The following MIPOL1 variants were observed in gnomAD, a reference collection of about 807,000 sequenced individuals.
MIPOL1 encodes the protein mirror-image polydactyly gene 1 protein.
A neutral mutation model predicts 60.9 loss-of-function variants in MIPOL1; 57 were observed. The observed-to-expected ratio is 0.94, with a 90% confidence interval of 0.76 to 1.17. The LOEUF is 1.17. MIPOL1 is among the 50% of genes most tolerant of loss of function. MIPOL1 has a pLI of 0.00. For missense variants in MIPOL1, 551 were observed against 511.6 expected (o/e 1.08, Z -0.74); for synonymous variants, 179 against 168.8 (o/e 1.06, Z -0.47).
At position 37,218,916 on chromosome 14, in the gene MIPOL1, C is replaced by A. The variant is rs1412121830; in HGVS notation, c.-199+20812C>A. On this transcript the variant is annotated intron_variant, in intron 1 of 12. Transcript: ENST00000684589. Reference sequence around the variant, plus strand: ...CTCCAGCCTGGGCAACAGAGTGAGACCCTATTTCAAAAAAAAAAAAAAAAA... The same window carrying A: ...CTCCAGCCTGGGCAACAGAGTGAGAACCTATTTCAAAAAAAAAAAAAAAAA... Among the ~76,000 whole-genome samples, 9 of 133,710 alleles carry A rather than the reference C, an allele frequency of 6.7e-5. No individual in the cohort carries two copies. In the South Asian group the frequency reaches 1.7e-3, roughly 25 times the overall value. The allele number at this position is 133,710 out of a possible 152,430, so 87.7% of individuals were successfully genotyped here.
intron 9 of MIPOL1, among the ~76,000 whole-genome samples, chr14:37,309,812 G>T (rs540379346): frequency 6.6e-6 from 1 of 151,750 alleles, no homozygotes; most frequent in South Asian, 2.1e-4. Context: ...TCAGCCTCCT[G>T]AGTAGCTGGG....
At chr14:37,424,119 G>C (rs1422821764) in intron 11 of MIPOL1, among the ~76,000 whole-genome samples, 4 of 152,144 alleles carry the variant, frequency 2.6e-5, no homozygotes, top group Admixed American at 2.0e-4. Flanking sequence ...CCATCCCCAA[G>C]TTAAGCACTC....
intron 9 of MIPOL1, among the ~76,000 whole-genome samples, chr14:37,360,469 C>T (rs1051535926): frequency 5.9e-5 from 9 of 152,108 alleles, no homozygotes; most frequent in African/African-American, 1.9e-4. Flanking sequence ...GTTCAGTAGG[C>T]TATTAGTTAT....
intron 7 of MIPOL1, among the ~76,000 whole-genome samples, chr14:37,299,736 G>T (rs1338256028): frequency 6.6e-6 from 1 of 151,976 alleles, no homozygotes; most frequent in African/African-American, 2.4e-5. Flanking sequence ...TTTTGTCACG[G>T]GGAGAATTCA....
intron 11 of MIPOL1, among the ~76,000 whole-genome samples, chr14:37,448,508 TTTA>T (rs746162931): frequency 2.0e-4 from 30 of 152,220 alleles, no homozygotes; most frequent in Admixed American, 2.6e-4. Context: ...CCAAACTATA[TTTA>T]TTGACTTTTT....
chr14:37,473,042 A>T (rs1178642513), intron 11 of MIPOL1, among the ~76,000 whole-genome samples: 1 of 152,118 alleles, frequency 6.6e-6, no homozygotes, highest in Non-Finnish European at 1.5e-5. Flanking sequence ...AAATTTAATC[A>T]CCAGTGTGGT....
At chr14:37,294,690 C>T (rs529187565) in intron 7 of MIPOL1, among the ~76,000 whole-genome samples, 20 of 151,994 alleles carry the variant, frequency 1.3e-4, no homozygotes, top group Non-Finnish European at 2.4e-4. Context: ...ATGCGATCAA[C>T]TGGAAGAAAG....
chr14:37,240,431 A>T (rs1004437364), intron 1 of MIPOL1: 1 of 152,204 alleles, frequency 6.6e-6, no homozygotes, highest in African/African-American at 2.4e-5. Flanking sequence ...ATACATTTTC[A>T]GCTTTGATTT....
intron 9 of MIPOL1, among the ~76,000 whole-genome samples, chr14:37,335,077 T>C (rs1240517975): frequency 6.6e-6 from 1 of 152,066 alleles, no homozygotes; most frequent in African/African-American, 2.4e-5. Flanking sequence ...TTTGTTGAAC[T>C]ACCAAACTGT....
chr14:37,342,554 C>T (rs1209965190), intron 9 of MIPOL1, among the ~76,000 whole-genome samples: 14 of 151,762 alleles, frequency 9.2e-5, no homozygotes, highest in Non-Finnish European at 1.8e-4. Context: ...TGCACCACCA[C>T]GCCTGGCTAA....
chr14:37,464,146 C>T (rs982741621), intron 11 of MIPOL1, among the ~76,000 whole-genome samples: 1 of 152,178 alleles, frequency 6.6e-6, no homozygotes, highest in African/African-American at 2.4e-5. Context: ...AACCACTATA[C>T]ACTTTTCGTG....
chr14:37,320,461 A>G (rs1197627416), intron 9 of MIPOL1, among the ~76,000 whole-genome samples: 2 of 151,998 alleles, frequency 1.3e-5, no homozygotes, highest in South Asian at 2.1e-4. Flanking sequence ...CTTTTGTGAA[A>G]TATCTCTTCG....
At chr14:37,206,813 T>C (rs1014473815) in intron 1 of MIPOL1, among the ~76,000 whole-genome samples, 8 of 152,272 alleles carry the variant, frequency 5.3e-5, no homozygotes, top group Non-Finnish European at 2.9e-5. Context: ...TGCTGGATTT[T>C]GGACTTGCAT....
chr14:37,286,036 T>C (rs1265634278), intron 7 of MIPOL1, among the ~76,000 whole-genome samples: 1 of 152,240 alleles, frequency 6.6e-6, no homozygotes, highest in African/African-American at 2.4e-5. Context: ...TTTCTTCATA[T>C]GTGACTCCTC....
chr14:37,241,849 T>G (rs1972415892), intron 1 of MIPOL1, among the ~76,000 whole-genome samples: 1 of 152,194 alleles, frequency 6.6e-6, no homozygotes, highest in Non-Finnish European at 1.5e-5. Context: ...AAACATTTGT[T>G]TAATTCTCAG....
At chr14:37,312,646 T>G (rs1443818360) in intron 9 of MIPOL1, among the ~76,000 whole-genome samples, 1 of 152,186 alleles carries the variant, frequency 6.6e-6, no homozygotes, top group Non-Finnish European at 1.5e-5. Flanking sequence ...CCTTATACTC[T>G]TTATTTATCC....
chr14:37,298,102 G>T (rs1406260370), intron 7 of MIPOL1, among the ~76,000 whole-genome samples: 3 of 152,104 alleles, frequency 2.0e-5, no homozygotes, highest in Non-Finnish European at 4.4e-5. Context: ...CCAAAACAGA[G>T]ATATAGACCA....
At chr14:37,291,024 T>G (rs2085008545) in intron 7 of MIPOL1, among the ~76,000 whole-genome samples, 1 of 152,184 alleles carries the variant, frequency 6.6e-6, no homozygotes, top group Non-Finnish European at 1.5e-5. Context: ...CCACCCATGT[T>G]CCTGTGAAGG....
At chr14:37,216,346 A>G (rs1043222849) in intron 1 of MIPOL1, among the ~76,000 whole-genome samples, 2 of 152,222 alleles carry the variant, frequency 1.3e-5, no homozygotes, top group African/African-American at 4.8e-5. Context: ...GGAGACTTCA[A>G]CATCCCACTT....
Sources: gnomAD v4.1 joint callset for allele counts (sites outside exome capture counted in the v4.1 genomes callset) on GRCh38, gnomAD v4.1.1 for gene constraint, MANE v1.5 for transcripts, NCBI Gene and HGNC (gene_info 2026-07-23, HGNC 2026-07-21) for gene names.